The following SULF2 variants were observed in gnomAD, a reference collection of about 807,000 sequenced individuals.
SULF2 encodes sulfatase 2.
In SULF2, 52 loss-of-function variants were observed where a neutral mutation model predicts 107.7. The observed-to-expected ratio is 0.48, with a 90% CI of 0.39 to 0.61. SULF2 has a LOEUF of 0.61. Among genes scored for constraint, SULF2 ranks in the 20% least tolerant of loss-of-function variants. The pLI is 0.00. For synonymous variants in SULF2, 460 were observed against 464.3 expected (o/e 0.99, Z 0.12); for missense variants, 993 against 1,177.3 (o/e 0.84, Z 2.29).
At chr20:47,754,122 C>T (rs930704176) in intron 2 of SULF2, among the ~76,000 whole-genome samples, 5 of 152,238 alleles carry the variant, frequency 3.3e-5, no homozygotes, top group African/African-American at 9.6e-5. Context: ...CGTGGTACAG[C>T]CCCGAACCCC....
chr20:47,723,375 A>G (rs1320927522), intron 3 of SULF2, among the ~76,000 whole-genome samples: 1 of 152,194 alleles, frequency 6.6e-6, no homozygotes, highest in Non-Finnish European at 1.5e-5. Context: ...CCGACACAGG[A>G]AGGGCAGGAA....
At chr20:47,707,580 C>T (rs1288149016) in intron 3 of SULF2, among the ~76,000 whole-genome samples, 1 of 152,176 alleles carries the variant, frequency 6.6e-6, no homozygotes, top group Non-Finnish European at 1.5e-5. Context: ...GCACCAGTGG[C>T]TGCCAGCTGA....
intron 1 of SULF2, among the ~76,000 whole-genome samples, chr20:47,759,999 C>T (rs950537929): frequency 2.6e-5 from 4 of 152,170 alleles, no homozygotes; most frequent in African/African-American, 9.7e-5. Context: ...AATAAAGGAA[C>T]GGAGGTTCTG....
chr20:47,678,815 CAGG>C lies in SULF2; in HGVS notation c.1065-14_1065-12del, dbSNP rs1419438930. On this transcript the variant is annotated splice_polypyrimidine_tract_variant and intron_variant, in intron 7 of 20. Coordinates refer to ENST00000688720, the MANE Select transcript of SULF2 (RefSeq NM_001387048.1). This position sits in a 1 kb window ranked among gnomAD's most constrained non-coding sequence, Gnocchi z 4.5. ...ACGATGTGGGGATTCCTGGGGGAGG[CAGG>C]AGATCGGGGACTCAGTCACTCAGGT... The C allele has an allele frequency of 1.9e-6, 3 of 1,611,946 alleles. No homozygotes were observed. The highest frequency in any genetic ancestry group is 4.5e-5 in the East Asian group (2 of 44,850).
At chr20:47,711,164 C>T (rs540016839) in intron 3 of SULF2, among the ~76,000 whole-genome samples, 12 of 152,326 alleles carry the variant, frequency 7.9e-5, no homozygotes, top group South Asian at 4.1e-4. Context: ...GACATGTCCC[C>T]GCCATGCCGG....
intron 11 of SULF2, among the ~76,000 whole-genome samples, chr20:47,669,333 G>A (rs2087385806): frequency 6.6e-6 from 1 of 152,106 alleles, no homozygotes; most frequent in African/African-American, 2.4e-5. Flanking sequence ...GGTGGGCCAG[G>A]GCTTCCCAAC....
intron 4 of SULF2, among the ~76,000 whole-genome samples, chr20:47,699,477 C>G (rs1291029312): frequency 1.3e-5 from 2 of 151,950 alleles, no homozygotes; most frequent in African/African-American, 4.8e-5. Context: ...AATGGAAGTA[C>G]ACATGATTAA....
chr20:47,702,754 A>G, intron 3 of SULF2, 84 bp from the exon 4 acceptor site: 1 of 1,351,740 alleles, frequency 7.4e-7, no homozygotes. Flanking sequence ...AGGCCTGAGC[A>G]TGCACACCTG....
At chr20:47,721,332 G>C (rs775034981) in intron 3 of SULF2, among the ~76,000 whole-genome samples, 2 of 151,796 alleles carry the variant, frequency 1.3e-5, no homozygotes, top group Non-Finnish European at 2.9e-5. Context: ...GGGGCTGGGA[G>C]AAATGCTCTC....
At chr20:47,683,819 G>C (rs2087908227) in intron 6 of SULF2, among the ~76,000 whole-genome samples, 1 of 152,256 alleles carries the variant, frequency 6.6e-6, no homozygotes, top group African/African-American at 2.4e-5. Flanking sequence ...CAGGGAATGA[G>C]GGGGACTGAT....
chr20:47,707,733 G>A (rs780034399), intron 3 of SULF2, among the ~76,000 whole-genome samples: 3 of 152,066 alleles, frequency 2.0e-5, no homozygotes, highest in African/African-American at 4.8e-5. Context: ...CCTTAAGGCA[G>A]GAAGACTGTA....
chr20:47,741,469 C>T (rs1160255251), intron 2 of SULF2, among the ~76,000 whole-genome samples: 1 of 152,150 alleles, frequency 6.6e-6, no homozygotes, highest in Non-Finnish European at 1.5e-5. Flanking sequence ...ATTTTCTACT[C>T]CCTTCCTTGC....
At chr20:47,701,570 G>A (rs2088570382) in intron 4 of SULF2, among the ~76,000 whole-genome samples, 1 of 152,230 alleles carries the variant, frequency 6.6e-6, no homozygotes, top group Non-Finnish European at 1.5e-5. Flanking sequence ...ACGCTGCTGT[G>A]AGGAACGGGT....
intron 18 of SULF2, 76 bp from the exon 19 acceptor site, chr20:47,659,806 A>G (rs1257050887): frequency 2.6e-6 from 3 of 1,150,596 alleles, no homozygotes; most frequent in South Asian, 1.3e-5. Context: ...CCAGAAAACC[A>G]TCTTATGCTT....
Position 47,730,310 on chromosome 20 carries a change from C to T in SULF2, c.415+6393G>A, listed in dbSNP as rs572341167. On this transcript the variant is annotated intron_variant, in intron 3 of 20. Transcript: ENST00000688720. Reference sequence around the variant, plus strand: ...CCACCATCTCTGCGAAAGTCTGGACCGGATGGCAGAAGCTGGGGCTGGGAA... The same window carrying T: ...CCACCATCTCTGCGAAAGTCTGGACTGGATGGCAGAAGCTGGGGCTGGGAA... 3.3e-5 allele frequency among the ~76,000 whole-genome samples: 5 copies of T among 152,298 alleles called. No individual in the cohort carries two copies. The South Asian group carries it at 6.2e-4, about 19-fold the overall frequency.
At chr20:47,681,973 C>T (rs1389032931) in intron 7 of SULF2, among the ~76,000 whole-genome samples, 1 of 152,026 alleles carries the variant, frequency 6.6e-6, no homozygotes, top group African/African-American at 2.4e-5. Flanking sequence ...GCATGAGCCA[C>T]AGGGCCCGGC....
intron 1 of SULF2, among the ~76,000 whole-genome samples, chr20:47,766,347 C>T (rs766696786): frequency 2.6e-5 from 4 of 152,236 alleles, no homozygotes; most frequent in Non-Finnish European, 5.9e-5. Context: ...TGTGGCTCTC[C>T]TTGCCTGTTC....
intron 3 of SULF2, among the ~76,000 whole-genome samples, chr20:47,704,456 A>C (rs2088665466): frequency 6.6e-6 from 1 of 152,016 alleles, no homozygotes; most frequent in Admixed American, 6.5e-5. Flanking sequence ...TAGTTTTTGT[A>C]GAGAAGGGGT....
intron 5 of SULF2, among the ~76,000 whole-genome samples, chr20:47,686,692 C>A (rs575485561): frequency 6.6e-6 from 1 of 152,178 alleles, no homozygotes; most frequent in Admixed American, 6.5e-5. Flanking sequence ...CACAATCGTC[C>A]GGGGCAGAAA....
Sources: allele counts gnomAD v4.1 joint callset (sites outside exome capture counted in the v4.1 genomes callset), GRCh38; gene constraint gnomAD v4.1.1; non-coding constraint Gnocchi (gnomAD v3.1); transcripts MANE v1.5; gene names NCBI Gene and HGNC (gene_info 2026-07-23, HGNC 2026-07-21).